The following BAZ2B variants were observed in gnomAD, a reference collection of about 807,000 sequenced individuals.
BAZ2B encodes the protein bromodomain adjacent to zinc finger domain 2B.
Under a neutral mutation model 246.0 loss-of-function variants are expected in BAZ2B, and 91 were observed. That is an observed-to-expected ratio of 0.37 (90% CI 0.31 to 0.44). BAZ2B has a LOEUF of 0.44. Ranked by LOEUF, BAZ2B falls within the 20% of genes least tolerant of loss-of-function variation. The probability of loss-of-function intolerance (pLI) is 1.00; values close to 1 mark genes in which losing one functional copy is unlikely to be tolerated. For synonymous variants in BAZ2B, 855 were observed against 860.0 expected (o/e 0.99, Z 0.10); for missense variants, 2,332 against 2,533.7 (o/e 0.92, Z 1.71).
chr2:159,585,842 C>CT (rs1687899812), intron 1 of BAZ2B, among the ~76,000 whole-genome samples: 1 of 152,362 alleles, frequency 6.6e-6, no homozygotes, highest in South Asian at 2.1e-4. Context: ...AGTTTCCTCT[C>CT]TTATTAGAAG....
the BAZ2B span, among the ~76,000 whole-genome samples, chr2:159,651,621 T>C: frequency 6.6e-6 from 1 of 152,196 alleles, no homozygotes; most frequent in Non-Finnish European, 1.5e-5. Context: ...CTTTGAAATA[T>C]ATAATTTAGT....
In BAZ2B at chr2:159,395,830, C is replaced by G; in HGVS notation, c.3014G>C (p.Arg1005Pro). 6.2e-7 allele frequency: 1 copy of G among 1,609,914 alleles called. No homozygotes were observed. Among genetic ancestry groups the G allele is most frequent in the Non-Finnish European group, 8.5e-7 (1 of 1,177,810 alleles). The change falls in exon 20 of 37, where the codon CGA (arginine) becomes CCA (proline). Residue 1005 changes from arginine (R) to proline (P), a missense_variant. By Grantham distance (103) the Arg-to-Pro change is moderately radical (BLOSUM62 -2). Transcript: ENST00000392783. The stretch of plus-strand genomic sequence containing the variant: ...CATCATGTGTTGTCGCCTTCGCTCT[C>G]GTTCCTATTAGGCCAGATAAAATGT... ...QQAVLLKHQE[R>P]ERRRQHMMLM...
At chr2:159,616,991 C>CG (rs1559917044), upstream of BAZ2B, 1 of 151,992 alleles carries the variant, frequency 6.6e-6, no homozygotes, top group African/African-American at 2.4e-5. Flanking sequence ...AAGACGGTCC[C>CG]GGGGTAAAAT....
intron 31 of BAZ2B, 26 bp from the exon 32 acceptor site, chr2:159,337,798 T>G (rs1463421677): frequency 6.3e-7 from 1 of 1,591,534 alleles, no homozygotes; most frequent in African/African-American, 1.3e-5. Context: ...ATAGTGTTAT[T>G]ATGGTTTCCT....
chr2:159,608,161 G>A (rs545130362), intron 1 of BAZ2B, among the ~76,000 whole-genome samples: 1 of 152,278 alleles, frequency 6.6e-6, no homozygotes, highest in South Asian at 2.1e-4. Flanking sequence ...GATTGTTTGA[G>A]TCCAGGAGTT....
intron 2 of BAZ2B, among the ~76,000 whole-genome samples, chr2:159,548,765 G>A (rs1351471861): frequency 6.6e-6 from 1 of 152,014 alleles, no homozygotes; most frequent in Admixed American, 6.6e-5. Flanking sequence ...TGCCACTGTA[G>A]TCCAGCCTGG....
the BAZ2B span, among the ~76,000 whole-genome samples, chr2:159,654,883 G>A: frequency 6.6e-6 from 1 of 152,146 alleles, no homozygotes. Flanking sequence ...CTTGAGCCTG[G>A]GAGGCGGAAG....
At position 159,349,693 on chromosome 2, in the gene BAZ2B, G is replaced by C. The variant is rs192645528; in HGVS notation, c.4863+15C>G. ...TAAAGCAATATAAAAATGAGTTACA[G>C]TTAGCAGTACTAACCTGAAGAGGTG... On this transcript the variant is annotated intron_variant, in intron 28 of 36. Coordinates refer to ENST00000392783, the MANE Select transcript of BAZ2B (RefSeq NM_013450.4). 8 of 1,589,176 alleles carry C rather than the reference G, an allele frequency of 5.0e-6. No individual in the cohort carries two copies. The African/African-American group carries it at 9.5e-5, about 19-fold the overall frequency.
At chr2:159,401,048 A>T (rs75655351) in intron 16 of BAZ2B, among the ~76,000 whole-genome samples, 3 of 134,224 alleles carry the variant, frequency 2.2e-5, no homozygotes, top group African/African-American at 5.9e-5. Context: ...GTCTCAAAAT[A>T]AAAAAAAAAA....
chr2:159,501,202 T>TATA (rs1491564755), intron 2 of BAZ2B, among the ~76,000 whole-genome samples: 3 of 105,324 alleles, frequency 2.8e-5, no homozygotes, highest in Non-Finnish European at 5.6e-5. Context: ...AATATATATA[T>TATA]TTTTATATAT....
At chr2:159,697,021 G>C in the BAZ2B span, among the ~76,000 whole-genome samples, 7 of 152,082 alleles carry the variant, frequency 4.6e-5, no homozygotes, top group African/African-American at 1.7e-4. Flanking sequence ...CCTGACTTCA[G>C]GTGATTCACT....
intron 1 of BAZ2B, among the ~76,000 whole-genome samples, chr2:159,613,228 C>A (rs1320107225): frequency 6.6e-6 from 1 of 151,954 alleles, no homozygotes; most frequent in Non-Finnish European, 1.5e-5. Context: ...AGCAGTATTC[C>A]AATAAATGCA....
At chr2:159,506,836 T>C (rs922059648) in intron 2 of BAZ2B, among the ~76,000 whole-genome samples, 1 of 152,074 alleles carries the variant, frequency 6.6e-6, no homozygotes, top group Non-Finnish European at 1.5e-5. Context: ...ATTTGTGTCC[T>C]AGAGTGAAAG....
chr2:159,422,519 T>G (rs35234496), intron 13 of BAZ2B, among the ~76,000 whole-genome samples: 63,124 of 151,930 alleles, frequency 0.42, 13,562 homozygotes, highest in Middle Eastern at 0.49. Flanking sequence ...AATAAATAGT[T>G]CTGGGATAAC....
chr2:159,470,922 G>A (rs2077705010), intron 3 of BAZ2B, among the ~76,000 whole-genome samples: 1 of 152,056 alleles, frequency 6.6e-6, no homozygotes, highest in Non-Finnish European at 1.5e-5. Flanking sequence ...TCTGGGCAGA[G>A]TCTTCCTATA....
the BAZ2B span, among the ~76,000 whole-genome samples, chr2:159,660,421 A>G: frequency 2.0e-5 from 3 of 152,190 alleles, no homozygotes; most frequent in African/African-American, 7.2e-5. Context: ...CATGAACATT[A>G]ATCTGTGACT....
intron 13 of BAZ2B, among the ~76,000 whole-genome samples, chr2:159,416,636 T>C (rs1270988946): frequency 5.3e-5 from 8 of 152,338 alleles, no homozygotes; most frequent in South Asian, 4.1e-4. Flanking sequence ...AATTTTTACA[T>C]AGTTACATTT....
intron 2 of BAZ2B, among the ~76,000 whole-genome samples, chr2:159,526,979 A>T (rs1276256904): frequency 1.3e-5 from 2 of 148,920 alleles, no homozygotes; most frequent in African/African-American, 2.5e-5. Context: ...ACTGCAAACT[A>T]TTTTTCAGAG....
At chr2:159,476,812 T>C (rs1010152728) in intron 3 of BAZ2B, among the ~76,000 whole-genome samples, 8 of 152,202 alleles carry the variant, frequency 5.3e-5, no homozygotes, top group Admixed American at 5.2e-4. Context: ...ACAAGTACAA[T>C]TGTGTGCAAT....
Sources: allele counts gnomAD v4.1 joint callset (sites outside exome capture counted in the v4.1 genomes callset), GRCh38; gene constraint gnomAD v4.1.1; transcripts MANE v1.5; gene names NCBI Gene and HGNC (gene_info 2026-07-23, HGNC 2026-07-21).